BRWD1: variants seen among roughly 807,000 people sequenced by gnomAD.
BRWD1 encodes bromodomain and WD repeat-containing protein 1.
A neutral mutation model predicts 251.2 loss-of-function variants in BRWD1; 82 were observed. That is an observed-to-expected ratio of 0.33 (90% CI 0.27 to 0.39). The LOEUF (loss-of-function observed/expected upper bound fraction) is 0.39, where lower values mean the gene tolerates loss of function less well. Ranked by LOEUF, BRWD1 falls within the 10% of genes least tolerant of loss-of-function variation. The probability of loss-of-function intolerance (pLI) is 1.00; values close to 1 mark genes in which losing one functional copy is unlikely to be tolerated. For synonymous variants in BRWD1, 918 were observed against 902.8 expected (o/e 1.02, Z -0.30); for missense variants, 2,233 against 2,711.6 (o/e 0.82, Z 3.92).
Position 39,212,660 on chromosome 21 carries a change from A to T in BRWD1, c.3900+6T>A. 4.5e-6 allele frequency: 7 copies of T among 1,563,140 alleles called. No homozygotes were observed. Among genetic ancestry groups the T allele is most frequent in the Non-Finnish European group, 6.1e-6 (7 of 1,139,942 alleles). Reference sequence around the variant, plus strand: ...CTACAAAAGTCAACCATGCAGAGTAACTTACTCTCCTCCTTCCAGAAGATG... The same window carrying T: ...CTACAAAAGTCAACCATGCAGAGTATCTTACTCTCCTCCTTCCAGAAGATG... On this transcript the variant is annotated splice_donor_region_variant and intron_variant, in intron 34 of 40. Coordinates refer to ENST00000342449, the MANE Select transcript of BRWD1 (RefSeq NM_033656.4).
intron 25 of BRWD1, among the ~76,000 whole-genome samples, chr21:39,230,619 G>A (rs543296382): frequency 1.3e-5 from 2 of 152,186 alleles, no homozygotes; most frequent in East Asian, 1.9e-4. Context: ...CCTGAATGAA[G>A]CTTATCTAAC....
Position 39,187,265 on chromosome 21 carries a change from T to TA in BRWD1, c.*8993_*8994insT. 6.2e-7 allele frequency: 1 copy of TA among 1,614,012 alleles called. No individual in the cohort carries two copies. The highest frequency in any genetic ancestry group is 2.2e-5 in the East Asian group (1 of 44,870). On this transcript the variant is annotated 3_prime_UTR_variant, in exon 41 of 41. Transcript: ENST00000342449. ...TCTTTTAGATTACTCATTATCTTTATTTTATTTGCAGCAACAGTAGCACAT... is the reference window on the plus strand; with the variant it reads ...TCTTTTAGATTACTCATTATCTTTATATTTATTTGCAGCAACAGTAGCACAT...
rs555185826 is a variant in BRWD1, at chr21:39,227,441, A to T, written c.3208+1059T>A. 3.9e-5 allele frequency among the ~76,000 whole-genome samples: 6 copies of T among 151,942 alleles called. No individual in the cohort carries two copies. In the South Asian group the frequency reaches 1.0e-3, roughly 26 times the overall value. On this transcript the variant is annotated intron_variant, in intron 27 of 40. Transcript: ENST00000342449. Reference sequence around the variant, plus strand: ...TACCCAGCCTAATGACAGTCATTCAATCATCAATTATATCCTGAGATTAAT... The same window carrying T: ...TACCCAGCCTAATGACAGTCATTCATTCATCAATTATATCCTGAGATTAAT...
chr21:39,244,805 A>G (rs1473036940), intron 21 of BRWD1, among the ~76,000 whole-genome samples: 1 of 151,732 alleles, frequency 6.6e-6, no homozygotes, highest in Non-Finnish European at 1.5e-5. Context: ...AGGATACTAC[A>G]CCTTCCTCCC....
intron 22 of BRWD1, among the ~76,000 whole-genome samples, 194 bp downstream of exon 22, chr21:39,238,285 C>A (rs376820414): frequency 3.1e-4 from 38 of 122,286 alleles, no homozygotes; most frequent in South Asian, 8.1e-4. Context: ...TGCTTAAAGT[C>A]AAAAAAAAAA....
At chr21:39,184,429 A>C (rs1425076941), downstream of BRWD1, 1 of 152,226 alleles carries the variant, frequency 6.6e-6, no homozygotes, top group Non-Finnish European at 1.5e-5. Context: ...GCAAGAGAAA[A>C]AGGGGACATA....
At chr21:39,298,280 A>C (rs1192707950) in intron 5 of BRWD1, 152 bp downstream of exon 5, 1 of 1,303,906 alleles carries the variant, frequency 7.7e-7, no homozygotes, top group Non-Finnish European at 9.8e-7. Flanking sequence ...ATAAAATTCA[A>C]TGTTCTATGC....
At position 39,188,966 on chromosome 21, in the gene BRWD1, G is replaced by GAC; in HGVS notation, c.*7291_*7292dup. On this transcript the variant is annotated 3_prime_UTR_variant, in exon 41 of 41. Coordinates refer to ENST00000342449, the MANE Select transcript of BRWD1 (RefSeq NM_033656.4). ...AGCATGCCCTTACCTCCTTCAGCTGGACTCTGTGGGAAGAGAAGTGGCTTA... is the reference window on the plus strand; with the variant it reads ...AGCATGCCCTTACCTCCTTCAGCTGGACACTCTGTGGGAAGAGAAGTGGCTTA... The GAC allele has an allele frequency of 1.0e-6, 1 of 985,346 alleles. No individual in the cohort carries two copies. The highest frequency in any genetic ancestry group is 1.2e-6 in the Non-Finnish European group (1 of 829,920). 61.0% of individuals were successfully genotyped at this position (985,346 alleles called of 1,614,324 possible). A position where few individuals can be genotyped will look rare whatever the true frequency, so the allele number is the denominator to read the frequency against.
At position 39,313,589 on chromosome 21, in the gene BRWD1, G is replaced by GCGT. The variant is rs1555880797; in HGVS notation, c.-99_-98insACG. 2.5e-5 allele frequency: 16 copies of GCGT among 650,326 alleles called. No homozygotes were observed. The highest frequency in any genetic ancestry group is 3.5e-5 in the Non-Finnish European group (16 of 462,508). The allele number at this position is 650,326 out of a possible 1,614,324, so 40.3% of individuals were successfully genotyped here. A position where few individuals can be genotyped will look rare whatever the true frequency, so the allele number is the denominator to read the frequency against. On this transcript the variant is annotated 5_prime_UTR_variant, in exon 1 of 41. Transcript: ENST00000342449. The stretch of plus-strand genomic sequence containing the variant: ...GCTGGCGTCCCCTCTTCTCAGGCGC[G>GCGT]CGCCGCCGCCGCCGCCGCCGCCGCC...
upstream of BRWD1, chr21:39,314,740 C>T (rs2036661391): frequency 9.2e-6 from 2 of 218,042 alleles, no homozygotes; most frequent in Admixed American, 1.1e-4. Context: ...ACCTACACAC[C>T]ACATAGACGT....
chr21:39,314,090 G>A (rs1034099197), upstream of BRWD1: 1 of 455,896 alleles, frequency 2.2e-6, no homozygotes, highest in Non-Finnish European at 4.4e-6. Context: ...GTCATTTCAC[G>A]GACCGGTCGT....
rs60360876 is a variant in BRWD1 at position 39,278,744 on chromosome 21, A to G, written c.1002T>C (p.Val334=). 15,448 of 1,579,208 alleles carry G rather than the reference A, an allele frequency of 9.8e-3. 1,334 individuals carry two copies. In the African/African-American group the frequency reaches 0.18, roughly 19 times the overall value. Residue 334 remains valine, a splice_region_variant and synonymous_variant, in exon 10 of 41, where the codon GTT becomes GTC. Coordinates refer to ENST00000342449, the MANE Select transcript of BRWD1 (RefSeq NM_033656.4). The part of the protein sequence containing the change: ...GVQMLCSSFS[V]GGMFLATGST... ...AAAAAAATGTGAAGAAGTTCTTACC[A>G]ACACTAAAAGAAGAACAAAGCATTT... is the stretch of plus-strand genomic sequence containing the variant.
At chr21:39,253,865 A>G (rs1252226583) in intron 19 of BRWD1, among the ~76,000 whole-genome samples, 1 of 152,232 alleles carries the variant, frequency 6.6e-6, no homozygotes, top group Non-Finnish European at 1.5e-5. Flanking sequence ...CAATAACTCA[A>G]ATCAGTACAT....
downstream of BRWD1, chr21:39,185,463 A>C (rs2031179904): frequency 6.6e-6 from 1 of 152,076 alleles, no homozygotes; most frequent in Non-Finnish European, 1.5e-5. Context: ...TAGAGCTCAA[A>C]AATCAAACCC....
intron 35 of BRWD1, 92 bp downstream of exon 35, chr21:39,210,694 G>T: frequency 7.1e-7 from 1 of 1,404,956 alleles, no homozygotes; most frequent in Non-Finnish European, 9.5e-7. Context: ...ATAAAGCCTG[G>T]GTATCTTTCT....
At chr21:39,248,492 G>T (rs1275866498) in intron 20 of BRWD1, among the ~76,000 whole-genome samples, 2 of 151,668 alleles carry the variant, frequency 1.3e-5, no homozygotes, top group African/African-American at 4.8e-5. Flanking sequence ...CGAAAAATTA[G>T]CTGGGCATGG....
At chr21:39,224,111 A>G (rs2033287715) in intron 29 of BRWD1, among the ~76,000 whole-genome samples, 1 of 152,200 alleles carries the variant, frequency 6.6e-6, no homozygotes, top group African/African-American at 2.4e-5. Context: ...TGGCCTCCCA[A>G]AGTGCTGAGA....
At chr21:39,247,071 C>T (rs867612645) in intron 21 of BRWD1, among the ~76,000 whole-genome samples, 2 of 147,338 alleles carry the variant, frequency 1.4e-5, no homozygotes, top group African/African-American at 2.5e-5. Flanking sequence ...AACGAGACTC[C>T]GTCTCAAAAA....
Position 39,186,243 on chromosome 21 carries a change from T to C in BRWD1, c.*10016A>G, listed in dbSNP as rs889280949. On this transcript the variant is annotated 3_prime_UTR_variant, in exon 41 of 41. Transcript: ENST00000342449. ...TTTTTGGCATTTCTGTAAATGCTGC[T>C]ACATACAAGTAAAAATAAGGAAAAG... 1.3e-5 allele frequency: 2 copies of C among 152,218 alleles called. No individual in the cohort carries two copies. Among genetic ancestry groups the C allele is most frequent in the Admixed American group, 6.5e-5 (1 of 15,280 alleles). The allele number at this position is 152,218 out of a possible 1,614,324, so 9.4% of individuals were successfully genotyped here. A position where few individuals can be genotyped will look rare whatever the true frequency, so the allele number is the denominator to read the frequency against.
Sources: allele counts gnomAD v4.1 joint callset (sites outside exome capture counted in the v4.1 genomes callset), GRCh38; gene constraint gnomAD v4.1.1; transcripts MANE v1.5; gene names NCBI Gene and HGNC (gene_info 2026-07-23, HGNC 2026-07-21).